The following AMOTL2 variants were observed in gnomAD, a reference collection of about 807,000 sequenced individuals.
The protein encoded by AMOTL2 is angiomotin like 2.
Under a neutral mutation model 78.4 loss-of-function variants are expected in AMOTL2, and 33 were observed. The ratio of observed to expected loss-of-function variants is 0.42; its 90% CI spans 0.32 to 0.56. The LOEUF (loss-of-function observed/expected upper bound fraction) is 0.56. AMOTL2 is among the 20% of genes least tolerant of loss of function. The pLI is 0.12. For synonymous variants in AMOTL2, 422 were observed against 428.8 expected, an observed-to-expected ratio of 0.98 and a Z score of 0.20; for missense variants, 983 against 1,030.1, an observed-to-expected ratio of 0.95 and a Z score of 0.63.
chr3:134,374,276 A>G, intron 1 of AMOTL2, 66 bp downstream of exon 1: 7 of 985,416 alleles, frequency 7.1e-6, no homozygotes, highest in Non-Finnish European at 8.4e-6. Flanking sequence ...CCGAGACTCC[A>G]GCTTTGGCTG....
intron 1 of AMOTL2, among the ~76,000 whole-genome samples, chr3:134,372,731 T>C (rs1234267226): frequency 6.6e-6 from 1 of 152,050 alleles, no homozygotes; most frequent in African/African-American, 2.4e-5. Flanking sequence ...GAGAGGGGAC[T>C]GTGAGCCTAA....
At chr3:134,364,907 T>C (rs1347211191) in intron 5 of AMOTL2, among the ~76,000 whole-genome samples, 1 of 152,126 alleles carries the variant, frequency 6.6e-6, no homozygotes, top group Non-Finnish European at 1.5e-5. Context: ...TAACTGTTCT[T>C]AGTCTCTTCT....
chr3:134,360,924 A>T (rs1298138879), intron 6 of AMOTL2, among the ~76,000 whole-genome samples: 1 of 152,238 alleles, frequency 6.6e-6, no homozygotes, highest in Non-Finnish European at 1.5e-5. Context: ...CTGTAATCCC[A>T]GCACTTTGGG....
chr3:134,367,801 A>T lies in AMOTL2; in HGVS notation c.737T>A (p.Ile246Asn). The change falls in exon 3 of 10, where the codon ATC (isoleucine) becomes AAC (asparagine). Residue 246 changes from isoleucine to asparagine, a missense_variant and splice_region_variant. Physicochemically the swap from Ile to Asn is moderately radical, Grantham distance 149. Transcript: ENST00000249883. ...SPHFQHAEVR[I>N]LQAQVPPVFL... Reference sequence around the variant, plus strand: ...CACAGGAGGCACCTGGGCCTGCAGGATCCTGGGGAACAGAAGAGACGGTGC... The same window carrying T: ...CACAGGAGGCACCTGGGCCTGCAGGTTCCTGGGGAACAGAAGAGACGGTGC... The T allele has an allele frequency of 6.2e-7, 1 of 1,613,300 alleles. No homozygotes were observed.
In AMOTL2 at chr3:134,368,982, G is replaced by A. The variant is rs559339404; in HGVS notation, c.735-1179C>T. On this transcript the variant is annotated intron_variant, in intron 2 of 9. Transcript: ENST00000249883. The stretch of plus-strand genomic sequence containing the variant: ...AAGTCCCAGAAGCCCCGCAAAAACC[G>A]AATTCCCCTTCTGGGTGCATCATCT... Among the ~76,000 whole-genome samples, 15 of 152,198 alleles carry A rather than the reference G, an allele frequency of 9.9e-5. No individual in the cohort carries two copies. In the East Asian group the frequency reaches 2.5e-3, roughly 25 times the overall value.
intron 1 of AMOTL2, among the ~76,000 whole-genome samples, chr3:134,373,216 A>G (rs1863910): frequency 0.34 from 52,233 of 151,754 alleles, 10,441 homozygotes; most frequent in East Asian, 0.91. Context: ...AAAGCAAGCA[A>G]ATGGGATTCA....
At chr3:134,369,209 G>A (rs1015712552) in intron 2 of AMOTL2, among the ~76,000 whole-genome samples, 2 of 152,120 alleles carry the variant, frequency 1.3e-5, no homozygotes, top group Non-Finnish European at 1.5e-5. Flanking sequence ...CTGGGAAGAG[G>A]GTCCCCACTG....
intron 5 of AMOTL2, among the ~76,000 whole-genome samples, chr3:134,365,542 C>T (rs1293784306): frequency 6.6e-6 from 1 of 152,240 alleles, no homozygotes; most frequent in Non-Finnish European, 1.5e-5. Context: ...CACTGGTGGT[C>T]AGCACCGAAG....
chr3:134,361,884 C>A (rs1221248426), intron 5 of AMOTL2, 77 bp from the exon 6 acceptor site: 14 of 1,254,652 alleles, frequency 1.1e-5, no homozygotes, highest in Non-Finnish European at 1.5e-5. Context: ...TCAGTGCTGA[C>A]CACTGGATGA....
chr3:134,358,909 G>C (rs2017209500), intron 8 of AMOTL2, among the ~76,000 whole-genome samples, 190 bp from the exon 9 acceptor site: 1 of 152,256 alleles, frequency 6.6e-6, no homozygotes, highest in Admixed American at 6.5e-5. Context: ...GCTTCCAAAT[G>C]TTTTGGGTGG....
At chr3:134,360,540 C>T (rs2017312362) in intron 6 of AMOTL2, 127 bp from the exon 7 acceptor site, 1 of 831,076 alleles carries the variant, frequency 1.2e-6, no homozygotes, top group Non-Finnish European at 1.9e-6. Context: ...ATACATTTCC[C>T]CATCCTTCCT....
chr3:134,371,663 A>C (rs12495847), intron 1 of AMOTL2, 169 bp from the exon 2 acceptor site: 1 of 1,080,898 alleles, frequency 9.3e-7, no homozygotes, highest in African/African-American at 1.6e-5. Context: ...GCTGCCATCT[A>C]CTGATTAAGA....
Position 134,371,259 on chromosome 3 carries a change from C to G in AMOTL2, c.175G>C (p.Ala59Pro), listed in dbSNP as rs1311192148. The change falls in exon 2 of 10, where the codon GCC (alanine) becomes CCC (proline). Residue 59 changes from alanine (A) to proline (P), a missense_variant. By Grantham distance (27) the Ala-to-Pro change is conservative. Transcript: ENST00000249883. ...GSPQASLEIL[A>P]PEDSQVLQQA... ...TGCAGCACCTGACTGTCCTCTGGGGCCAGGATCTCCAGGGAGGCCTGGGGG... is the reference window on the plus strand; with the variant it reads ...TGCAGCACCTGACTGTCCTCTGGGGGCAGGATCTCCAGGGAGGCCTGGGGG... The G allele has an allele frequency of 6.2e-7, 1 of 1,612,864 alleles. No individual in the cohort carries two copies. The highest frequency in any genetic ancestry group is 8.5e-7 in the Non-Finnish European group (1 of 1,179,972).
chr3:134,368,385 C>G (rs1331816841), intron 2 of AMOTL2, among the ~76,000 whole-genome samples: 1 of 152,144 alleles, frequency 6.6e-6, no homozygotes, highest in Non-Finnish European at 1.5e-5. Flanking sequence ...CCCCCACCCC[C>G]CACTCACCCA....
chr3:134,359,497 C>T lies in AMOTL2; in HGVS notation c.1890G>A (p.Lys630=). 6.2e-7 allele frequency: 1 copy of T among 1,612,912 alleles called. No homozygotes were observed. ...TCTCCAGGATCTGGGCATGGAGCAC[C>T]TTTAACCTGAGGGGTGAGAGGCCAT... The part of the protein sequence containing the change: ...HRHQEMESRL[K]VLHAQILEKD... Residue 630 remains lysine (K), a synonymous_variant, in exon 8 of 10, where the codon AAG becomes AAA. Transcript: ENST00000249883.
At chr3:134,367,279 C>T (rs532619703) in intron 3 of AMOTL2, among the ~76,000 whole-genome samples, 1 of 152,154 alleles carries the variant, frequency 6.6e-6, no homozygotes, top group Non-Finnish European at 1.5e-5. Flanking sequence ...TGTTCATGCT[C>T]CAGGCCTGCT....
At chr3:134,368,882 G>A (rs1391944917) in intron 2 of AMOTL2, among the ~76,000 whole-genome samples, 6 of 152,142 alleles carry the variant, frequency 3.9e-5, no homozygotes, top group South Asian at 2.1e-4. Flanking sequence ...CAAGAGGCAC[G>A]GGGAGTCCAA....
chr3:134,365,727 G>A, intron 5 of AMOTL2, 90 bp downstream of exon 5: 2 of 1,213,160 alleles, frequency 1.6e-6, no homozygotes, highest in East Asian at 2.4e-5. Flanking sequence ...TACTTTGCAA[G>A]GGGGAAGGCC....
Position 134,359,418 on chromosome 3 carries a change from C to A in AMOTL2, c.1969G>T (p.Ala657Ser), listed in dbSNP as rs746713717. The A allele has an allele frequency of 2.0e-5, 33 of 1,614,052 alleles. No homozygotes were observed. The Admixed American group carries it at 5.3e-4, about 26-fold the overall frequency. Residue 657 changes from alanine (A) to serine (S), a missense_variant, in exon 8 of 10, where the codon GCC (alanine) becomes TCC (serine). Ala to Ser is a moderately conservative substitution (Grantham distance 99). Coordinates refer to ENST00000249883, the MANE Select transcript of AMOTL2 (RefSeq NM_016201.4). ...GCAGGCCGCAGGGAGCCCTGGATGG[C>A]CTTGCCAGGGTCTCTCCTGGAGCGC... ...QQRSRRDPGK[A>S]IQGSLRPAKS...
Sources: allele counts gnomAD v4.1 joint callset (sites outside exome capture counted in the v4.1 genomes callset), GRCh38; gene constraint gnomAD v4.1.1; transcripts MANE v1.5; gene names NCBI Gene and HGNC (gene_info 2026-07-23, HGNC 2026-07-21).